Variants in TMTC3 observed in about 807,000 individuals in gnomAD.
TMTC3 encodes protein O-mannosyl-transferase TMTC3.
TMTC3 carries 52 observed loss-of-function variants against 92.2 expected under a neutral mutation model. That is an observed-to-expected ratio of 0.56 (90% CI 0.45 to 0.71). The LOEUF (loss-of-function observed/expected upper bound fraction) is 0.71. Among genes scored for constraint, TMTC3 ranks in the 30% least tolerant of loss-of-function variants. TMTC3 has a pLI of 0.00. For synonymous variants in TMTC3, 339 were observed against 363.3 expected, an observed-to-expected ratio of 0.93 and a Z score of 0.76; for missense variants, 896 against 1,057.1, an observed-to-expected ratio of 0.85 and a Z score of 2.11.
chr12:88,165,135 GC>G lies in TMTC3; in HGVS notation c.798-1194del, dbSNP rs200033472. Among the ~76,000 whole-genome samples the G allele has an allele frequency of 2.6e-4, 40 of 152,054 alleles. No homozygotes were observed. In the East Asian group the frequency reaches 3.5e-3, roughly 13 times the overall value. ...ATGTGTTAGTAGGTATGAATATGGT[GC>G]TTATAGCATATAAATATTTTCCAAA... On this transcript the variant is annotated intron_variant, in intron 6 of 13. Coordinates refer to ENST00000266712, the MANE Select transcript of TMTC3 (RefSeq NM_181783.4).
chr12:88,157,298 ACAT>A (rs1243507517), intron 4 of TMTC3, among the ~76,000 whole-genome samples: 1 of 151,518 alleles, frequency 6.6e-6, no homozygotes, highest in Non-Finnish European at 1.5e-5. Context: ...CACAGTTTCC[ACAT>A]CATCTTTGTA....
chr12:88,158,160 T>A (rs1044065313), intron 4 of TMTC3, among the ~76,000 whole-genome samples: 3 of 152,238 alleles, frequency 2.0e-5, no homozygotes, highest in Non-Finnish European at 4.4e-5. Flanking sequence ...AAATAATATA[T>A]GCCAAACTGG....
At chr12:88,166,253 T>C (rs984073073) in intron 6 of TMTC3, 77 bp from the exon 7 acceptor site, 2 of 1,349,186 alleles carry the variant, frequency 1.5e-6, no homozygotes, top group African/African-American at 3.0e-5. Context: ...ATGTTTATTG[T>C]TTAGTGTTTT....
At chr12:88,172,566 A>G in intron 7 of TMTC3, 31 bp from the exon 8 acceptor site, 3 of 1,214,902 alleles carry the variant, frequency 2.5e-6, no homozygotes, top group Non-Finnish European at 3.2e-6. Context: ...AATTTATTAT[A>G]AATTATTAAA....
At chr12:88,178,643 G>A (rs779174975) in intron 10 of TMTC3, among the ~76,000 whole-genome samples, 7 of 152,130 alleles carry the variant, frequency 4.6e-5, no homozygotes, top group Non-Finnish European at 1.0e-4. Flanking sequence ...GCATCATCAA[G>A]TAGGGTCCTA....
Position 88,160,196 on chromosome 12 carries a change from T to C in TMTC3, c.591T>C (p.Ile197=). The C allele has an allele frequency of 6.3e-7, 1 of 1,588,258 alleles. No individual in the cohort carries two copies. Among genetic ancestry groups the C allele is most frequent in the Admixed American group, 1.8e-5 (1 of 55,258 alleles). ...AACAAGGAATAACAGTTGTAGGAAT[T>C]TGCTGTGTGTATGAAGTGTTTATTG... ...CKEQGITVVG[I]CCVYEVFIAQ... Residue 197 remains isoleucine (I), a synonymous_variant, in exon 5 of 14, where the codon ATT becomes ATC. Coordinates refer to ENST00000266712, the MANE Select transcript of TMTC3 (RefSeq NM_181783.4).
chr12:88,153,981 C>T (rs961506625), intron 3 of TMTC3, among the ~76,000 whole-genome samples: 1 of 151,904 alleles, frequency 6.6e-6, no homozygotes, highest in East Asian at 1.9e-4. Context: ...ACCATATTTA[C>T]GTGGTTACCA....
At chr12:88,161,953 AAAG>A (rs1290706406) in intron 6 of TMTC3, among the ~76,000 whole-genome samples, 1 of 152,048 alleles carries the variant, frequency 6.6e-6, no homozygotes, top group African/African-American at 2.4e-5. Flanking sequence ...AAATAATAAA[AAAG>A]TATTTTACAT....
intron 2 of TMTC3, among the ~76,000 whole-genome samples, chr12:88,152,635 A>T (rs956484078): frequency 2.0e-5 from 3 of 152,204 alleles, no homozygotes; most frequent in Admixed American, 6.5e-5. Flanking sequence ...CTTATAATTT[A>T]AAAAGAGATT....
At chr12:88,184,130 T>G (rs1483165804) in intron 10 of TMTC3, among the ~76,000 whole-genome samples, 1 of 152,110 alleles carries the variant, frequency 6.6e-6, no homozygotes, top group Non-Finnish European at 1.5e-5. Flanking sequence ...GGGGACCGCA[T>G]GGCTCAGCAC....
rs1010973497 is a variant in TMTC3, at chr12:88,173,217, A to T, written c.1199+472A>T. 7.3e-6 allele frequency: 4 copies of T among 546,346 alleles called. No individual in the cohort carries two copies. The African/African-American group carries it at 7.9e-5, about 11-fold the overall frequency. The allele number at this position is 546,346 out of a possible 1,614,324, so 33.8% of individuals were successfully genotyped here. Reference sequence around the variant, plus strand: ...CTCAAACTAACAGTTAAGGAACAGCATAGTCACACTGTATATATGCTTAGG... The same window carrying T: ...CTCAAACTAACAGTTAAGGAACAGCTTAGTCACACTGTATATATGCTTAGG... On this transcript the variant is annotated intron_variant, in intron 8 of 13. Coordinates refer to ENST00000266712, the MANE Select transcript of TMTC3 (RefSeq NM_181783.4).
intron 1 of TMTC3, among the ~76,000 whole-genome samples, chr12:88,147,625 A>G (rs1029719771): frequency 2.6e-5 from 4 of 152,152 alleles, no homozygotes; most frequent in African/African-American, 7.2e-5. Context: ...TTTTTATTCT[A>G]CTTTCCCACC....
chr12:88,169,301 C>T (rs763268552), intron 7 of TMTC3, among the ~76,000 whole-genome samples: 17 of 151,480 alleles, frequency 1.1e-4, no homozygotes, highest in Admixed American at 4.6e-4. Flanking sequence ...AAGAAATAAA[C>T]GGTAGAATAC....
chr12:88,180,984 C>T (rs1457374615), intron 10 of TMTC3, among the ~76,000 whole-genome samples: 1 of 152,008 alleles, frequency 6.6e-6, no homozygotes, highest in Admixed American at 6.6e-5. Flanking sequence ...ACTCATATTC[C>T]CCCTTTTTAG....
chr12:88,198,122 T>G lies in TMTC3; in HGVS notation c.*2473T>G, dbSNP rs1383122853. On this transcript the variant is annotated 3_prime_UTR_variant, in exon 14 of 14. Transcript: ENST00000266712. ...AGTTTAAGTTCCATCAAACTAGCCC[T>G]TGTGTAAGATTATTATTTCTTCTCT... 1 of 389,260 alleles carries G rather than the reference T, an allele frequency of 2.6e-6. No individual in the cohort carries two copies. The highest frequency in any genetic ancestry group is 4.4e-5 in the Admixed American group (1 of 22,508). 24.1% of individuals were successfully genotyped at this position (389,260 alleles called of 1,614,324 possible).
At chr12:88,150,291 G>A in intron 2 of TMTC3, among the ~76,000 whole-genome samples, 1 of 152,146 alleles carries the variant, frequency 6.6e-6, no homozygotes. Context: ...GCTCTCTCAA[G>A]AACTCATTGT....
chr12:88,143,271 A>T (rs2040796125), intron 1 of TMTC3, among the ~76,000 whole-genome samples: 1 of 152,212 alleles, frequency 6.6e-6, no homozygotes, highest in African/African-American at 2.4e-5. Context: ...TGGGTAAAAT[A>T]AGTAGCTCAG....
At chr12:88,174,202 T>C (rs2041234640) in intron 8 of TMTC3, among the ~76,000 whole-genome samples, 1 of 152,108 alleles carries the variant, frequency 6.6e-6, no homozygotes, top group Non-Finnish European at 1.5e-5. Flanking sequence ...TTGGTATAAA[T>C]TGTAAGTAAA....
chr12:88,172,755 A>G lies in TMTC3; in HGVS notation c.1199+10A>G. 2 of 1,589,264 alleles carry G rather than the reference A, an allele frequency of 1.3e-6. No homozygotes were observed. Among genetic ancestry groups the G allele is most frequent in the Non-Finnish European group, 1.7e-6 (2 of 1,171,538 alleles). On this transcript the variant is annotated intron_variant, in intron 8 of 13. Coordinates refer to ENST00000266712, the MANE Select transcript of TMTC3 (RefSeq NM_181783.4). ...AAATATCAACAAAAAGGTGAATTTA[A>G]ATGTCAGTTCATGTAATGCTTACTA... is the stretch of plus-strand genomic sequence containing the variant.
Sources: allele counts gnomAD v4.1 joint callset (sites outside exome capture counted in the v4.1 genomes callset), GRCh38; gene constraint gnomAD v4.1.1; transcripts MANE v1.5; gene names NCBI Gene and HGNC (gene_info 2026-07-23, HGNC 2026-07-21).